The following MGST1 variants were observed in gnomAD, a reference collection of about 807,000 sequenced individuals.
MGST1 encodes microsomal glutathione S-transferase 1.
Under a neutral mutation model 8.9 loss-of-function variants are expected in MGST1, and 5 were observed. The ratio of observed to expected loss-of-function variants is 0.56; its 90% CI spans 0.29 to 1.19. The LOEUF (loss-of-function observed/expected upper bound fraction) is 1.19, where lower values mean the gene tolerates loss of function less well. MGST1 is among the 50% of genes most tolerant of loss of function. The pLI is 0.08. For synonymous variants in MGST1, 54 were observed against 67.8 expected (o/e 0.80, Z 1.00); for missense variants, 182 against 187.4 (o/e 0.97, Z 0.17).
chr12:16,514,414 G>A (rs375611503), intron 4 of MGST1: 22 of 284,140 alleles, frequency 7.7e-5, no homozygotes, highest in African/African-American at 4.7e-4. Context: ...GAAGTGAAAG[G>A]CAAGGCCCAT....
intron 1 of MGST1, among the ~76,000 whole-genome samples, chr12:16,392,350 T>C (rs542018071): frequency 5.3e-5 from 8 of 152,314 alleles, no homozygotes; most frequent in Admixed American, 2.6e-4. Context: ...TCTAGCATGG[T>C]TAATTTCATT....
chr12:16,531,857 T>A (rs1941725999), intron 4 of MGST1, among the ~76,000 whole-genome samples: 1 of 152,146 alleles, frequency 6.6e-6, no homozygotes, highest in Non-Finnish European at 1.5e-5. Flanking sequence ...CACATCAGTA[T>A]AAAGAGCAAG....
chr12:16,461,628 GA>G (rs1317309634), intron 4 of MGST1, among the ~76,000 whole-genome samples: 2 of 152,000 alleles, frequency 1.3e-5, no homozygotes, highest in Admixed American at 6.6e-5. Flanking sequence ...GAACCCATGA[GA>G]AAAAAACATT....
intron 4 of MGST1, among the ~76,000 whole-genome samples, chr12:16,501,541 C>A (rs538662796): frequency 1.3e-5 from 2 of 152,202 alleles, no homozygotes; most frequent in African/African-American, 4.8e-5. Context: ...TCTGAAAACC[C>A]TGGTCAACAA....
chr12:16,398,470 A>G (rs1049952068), intron 1 of MGST1, among the ~76,000 whole-genome samples: 2 of 152,212 alleles, frequency 1.3e-5, no homozygotes, highest in African/African-American at 4.8e-5. Flanking sequence ...TGTCCCTTCC[A>G]GATCTACATG....
intron 4 of MGST1, among the ~76,000 whole-genome samples, chr12:16,561,882 C>T (rs1444072576): frequency 6.6e-6 from 1 of 152,136 alleles, no homozygotes; most frequent in Non-Finnish European, 1.5e-5. Flanking sequence ...ATTTTAAAGA[C>T]TTTGCTAACA....
At chr12:16,434,425 C>G (rs1468701034) in intron 1 of MGST1, among the ~76,000 whole-genome samples, 3 of 142,416 alleles carry the variant, frequency 2.1e-5, no homozygotes, top group Non-Finnish European at 4.6e-5. Flanking sequence ...AAGTAATTCT[C>G]ATTTATTTTA....
downstream of MGST1, among the ~76,000 whole-genome samples, chr12:16,366,273 A>G (rs1940186195): frequency 6.6e-6 from 1 of 151,850 alleles, no homozygotes; most frequent in Non-Finnish European, 1.5e-5. This position sits in a 1 kb window ranked among gnomAD's most constrained non-coding sequence, Gnocchi z 4.0. Context: ...AAGTTGTAAA[A>G]ACAATTTAGA....
rs1392308915 is a variant in MGST1 at position 16,513,323 on chromosome 12, A to T, written n.483-76205A>T. Reference sequence around the variant, plus strand: ...CCACATTTCCCATTGAAAATTCCTTAAAAAGGAGAATTTTATGCTTGCCCT... The same window carrying T: ...CCACATTTCCCATTGAAAATTCCTTTAAAAGGAGAATTTTATGCTTGCCCT... On this transcript the variant is annotated intron_variant and non_coding_transcript_variant, in intron 4 of 4. Coordinates refer to the MGST1 transcript ENST00000538857. The surrounding 1 kb of genome is among the most constrained non-coding windows in gnomAD (Gnocchi z 4.2). The T allele has an allele frequency of 4.1e-6, 1 of 245,348 alleles. No homozygotes were observed. The highest frequency in any genetic ancestry group is 2.3e-5 in the African/African-American group (1 of 43,364). 15.2% of individuals were successfully genotyped at this position (245,348 alleles called of 1,614,324 possible). A position where few individuals can be genotyped will look rare whatever the true frequency, so the allele number is the denominator to read the frequency against.
At chr12:16,489,212 G>T (rs935642047) in intron 4 of MGST1, among the ~76,000 whole-genome samples, 3 of 151,964 alleles carry the variant, frequency 2.0e-5, no homozygotes, top group Non-Finnish European at 4.4e-5. Flanking sequence ...ACAATTTTGG[G>T]CCATTATAAA....
At chr12:16,572,208 A>G (rs891744432) in intron 4 of MGST1, among the ~76,000 whole-genome samples, 1 of 151,976 alleles carries the variant, frequency 6.6e-6, no homozygotes, top group African/African-American at 2.4e-5. Context: ...GAGAAATACT[A>G]AAGTTGTACT....
chr12:16,569,739 T>C (rs1942746310), intron 4 of MGST1, among the ~76,000 whole-genome samples: 1 of 152,186 alleles, frequency 6.6e-6, no homozygotes, highest in East Asian at 1.9e-4. Context: ...ATTTATTGTT[T>C]TGATATTTAA....
At chr12:16,473,378 A>G (rs1039938691) in intron 4 of MGST1, among the ~76,000 whole-genome samples, 2 of 152,212 alleles carry the variant, frequency 1.3e-5, no homozygotes, top group African/African-American at 4.8e-5. Context: ...TAAGTAATTC[A>G]GCTCTAAATG....
chr12:16,356,631 G>A (rs1939727010), intron 2 of MGST1, among the ~76,000 whole-genome samples: 1 of 152,154 alleles, frequency 6.6e-6, no homozygotes, highest in African/African-American at 2.4e-5. Context: ...TTTTTTAAAT[G>A]CAGATTTCAA....
In MGST1 at chr12:16,517,372, T is replaced by C. The variant is rs1171414449; in HGVS notation, n.483-72156T>C. On this transcript the variant is annotated intron_variant and non_coding_transcript_variant, in intron 4 of 4. Coordinates refer to the MGST1 transcript ENST00000538857. This position sits in a 1 kb window ranked among gnomAD's most constrained non-coding sequence, Gnocchi z 4.2. Reference sequence around the variant, plus strand: ...TAATGTTGTTATCACAGGAGTGAATTTGTTATAAAAGTAAGTTTGGCTTCC... The same window carrying C: ...TAATGTTGTTATCACAGGAGTGAATCTGTTATAAAAGTAAGTTTGGCTTCC... Among the ~76,000 whole-genome samples, 1 of 152,118 alleles carries C rather than the reference T, an allele frequency of 6.6e-6. No homozygotes were observed. The highest frequency in any genetic ancestry group is 2.4e-5 in the African/African-American group (1 of 41,406).
intron 4 of MGST1, among the ~76,000 whole-genome samples, chr12:16,511,228 A>G (rs1330704113): frequency 6.6e-6 from 1 of 152,262 alleles, no homozygotes. Context: ...AGTCATTGAT[A>G]TAATTAACTG....
At chr12:16,387,201 A>C (rs543002484) in intron 1 of MGST1, among the ~76,000 whole-genome samples, 1 of 152,226 alleles carries the variant, frequency 6.6e-6, no homozygotes, top group Non-Finnish European at 1.5e-5. Context: ...TAAATGGGAA[A>C]AAAAACAGCA....
In MGST1 at chr12:16,393,773, A is replaced by G. The variant is rs142118980; in HGVS notation, n.778+10169A>G. Among the ~76,000 whole-genome samples, 103 of 152,304 alleles carry G rather than the reference A, an allele frequency of 6.8e-4. 3 individuals carry two copies. In the East Asian group the frequency reaches 0.018, roughly 27 times the overall value. On this transcript the variant is annotated intron_variant and non_coding_transcript_variant, in intron 1 of 1. Coordinates refer to the MGST1 transcript ENST00000359720. ...GACCTGTGGCCCAGAGGTATCTGCTACACTTCAACACCAGGAATGTATTTA... is the reference window on the plus strand; with the variant it reads ...GACCTGTGGCCCAGAGGTATCTGCTGCACTTCAACACCAGGAATGTATTTA...
At chr12:16,387,558 G>A (rs1289247183) in intron 1 of MGST1, among the ~76,000 whole-genome samples, 1 of 145,890 alleles carries the variant, frequency 6.9e-6, no homozygotes, top group Non-Finnish European at 1.5e-5. Context: ...ATGGAGTCTC[G>A]CTCTGTTGCC....
Sources: gnomAD v4.1 joint callset for allele counts (sites outside exome capture counted in the v4.1 genomes callset) on GRCh38, gnomAD v4.1.1 for gene constraint, Gnocchi (gnomAD v3.1) non-coding constraint, MANE v1.5 for transcripts, NCBI Gene and HGNC (gene_info 2026-07-23, HGNC 2026-07-21) for gene names.